The following PGM3 variants were observed in gnomAD, a reference collection of about 807,000 sequenced individuals.
PGM3 encodes phosphoglucomutase 3.
PGM3 carries 40 observed loss-of-function variants against 66.2 expected under a neutral mutation model. That is an observed-to-expected ratio of 0.60 (90% confidence interval 0.47 to 0.79). The LOEUF is 0.79. Ranked by LOEUF, PGM3 falls within the 30% of genes least tolerant of loss-of-function variation. PGM3 has a pLI of 0.00. For missense variants in PGM3, 537 were observed against 643.4 expected (o/e 0.83, Z 1.79); for synonymous variants, 191 against 224.2 (o/e 0.85, Z 1.32).
At position 83,167,615 on chromosome 6, in the gene PGM3, A is replaced by C; in HGVS notation, c.*1619T>G. ...ATTCCTGTTCAAAGCTATTTCTGTT[A>C]ACTAAGCTTATCTGCGCATTCTAGT... On this transcript the variant is annotated 3_prime_UTR_variant, in exon 13 of 13. Coordinates refer to ENST00000513973, the MANE Select transcript of PGM3 (RefSeq NM_015599.3). 1 of 1,194,552 alleles carries C rather than the reference A, an allele frequency of 8.4e-7. No individual in the cohort carries two copies. The highest frequency in any genetic ancestry group is 3.8e-5 in the East Asian group (1 of 26,658). 74.0% of individuals were successfully genotyped at this position (1,194,552 alleles called of 1,614,324 possible). A position where few individuals can be genotyped will look rare whatever the true frequency, so the allele number is the denominator to read the frequency against.
At chr6:83,183,667 G>T (rs1299576836) in intron 4 of PGM3, among the ~76,000 whole-genome samples, 2 of 152,096 alleles carry the variant, frequency 1.3e-5, no homozygotes, top group African/African-American at 2.4e-5. Context: ...CCAAGCACAG[G>T]CCCTTGCATG....
At chr6:83,158,560 T>A, downstream of PGM3, 1 of 1,592,646 alleles carries the variant, frequency 6.3e-7, no homozygotes, top group Non-Finnish European at 8.6e-7. Context: ...CATTTCACCA[T>A]TTTCAGGTAC....
chr6:83,152,959 TA>T, the PGM3 span, among the ~76,000 whole-genome samples: 1 of 152,184 alleles, frequency 6.6e-6, no homozygotes, highest in African/African-American at 2.4e-5. Context: ...CACTATAATG[TA>T]TTTTACAATT....
downstream of PGM3, among the ~76,000 whole-genome samples, chr6:83,156,256 A>T (rs537696966): frequency 6.6e-6 from 1 of 152,196 alleles, no homozygotes; most frequent in Admixed American, 6.5e-5. Flanking sequence ...AAAATTATCA[A>T]TGCTGGCATC....
chr6:83,171,901 A>G (rs1326116683), intron 11 of PGM3, 36 bp downstream of exon 11: 1 of 1,534,574 alleles, frequency 6.5e-7, no homozygotes. Flanking sequence ...TACTTAGCTA[A>G]TATTCAAAAA....
chr6:83,153,434 A>T, the PGM3 span: 1 of 892,220 alleles, frequency 1.1e-6, no homozygotes, highest in African/African-American at 1.7e-5. Flanking sequence ...AGGTTTTCTA[A>T]CAAACTGAAA....
intron 9 of PGM3, among the ~76,000 whole-genome samples, chr6:83,175,090 C>T (rs989480292): frequency 6.6e-6 from 1 of 152,140 alleles, no homozygotes; most frequent in African/African-American, 2.4e-5. Flanking sequence ...CTATGCTCAA[C>T]TACTTGATGA....
Position 83,166,804 on chromosome 6 carries a change from T to C in PGM3, c.*2430A>G. The stretch of plus-strand genomic sequence containing the variant: ...CTAGGAAACTAGTGATATTAAATTA[T>C]TAGGTAAACAATGAAAGTTTCTGAG... On this transcript the variant is annotated 3_prime_UTR_variant, in exon 13 of 13. Coordinates refer to ENST00000513973, the MANE Select transcript of PGM3 (RefSeq NM_015599.3). The C allele has an allele frequency of 3.9e-6, 4 of 1,029,466 alleles. No individual in the cohort carries two copies. The highest frequency in any genetic ancestry group is 4.7e-6 in the Non-Finnish European group (4 of 859,354). The allele number at this position is 1,029,466 out of a possible 1,614,324, so 63.8% of individuals were successfully genotyped here.
downstream of PGM3, among the ~76,000 whole-genome samples, chr6:83,160,781 G>T (rs1484671346): frequency 6.6e-6 from 1 of 152,220 alleles, no homozygotes; most frequent in South Asian, 2.1e-4. Flanking sequence ...TTATTATATT[G>T]TGTCTTATTT....
intron 4 of PGM3, 21 bp from the exon 5 acceptor site, chr6:83,182,999 G>C (rs1229654912): frequency 1.2e-6 from 2 of 1,603,072 alleles, no homozygotes; most frequent in South Asian, 2.3e-5. Flanking sequence ...AATACAAAAA[G>C]CAATTCACCG....
the PGM3 span, chr6:83,152,198 T>C: frequency 1.4e-6 from 1 of 729,838 alleles, no homozygotes; most frequent in African/African-American, 2.0e-5. Context: ...TATATATACA[T>C]ATATAAAAAT....
the PGM3 span, among the ~76,000 whole-genome samples, chr6:83,155,122 C>G: frequency 2.0e-5 from 3 of 151,986 alleles, no homozygotes; most frequent in Non-Finnish European, 4.4e-5. Flanking sequence ...AGAAGCCAAC[C>G]ATGAGAAGGC....
At chr6:83,152,211 TACACAC>T in the PGM3 span, 186 of 697,992 alleles carry the variant, frequency 2.7e-4, no homozygotes, top group Middle Eastern at 7.2e-4. Flanking sequence ...ATAAAAATAA[TACACAC>T]ACACACACAC....
chr6:83,170,467 C>T lies in PGM3; in HGVS notation c.1377G>A (p.Arg459=), dbSNP rs1386270701. The T allele has an allele frequency of 2.5e-6, 4 of 1,613,770 alleles. No individual in the cohort carries two copies. Among genetic ancestry groups the T allele is most frequent in the Non-Finnish European group, 2.5e-6 (3 of 1,179,818 alleles). The change falls in exon 12 of 13, where the codon AGG becomes AGA. Residue 459 remains arginine, a synonymous_variant. Transcript: ENST00000513973. ...CAGCATCGGTAGTGCTAATAACTCT[C>T]CTGTCTGCAACCTAAGTGCAAGCAT... ...NRQLKVQVAD[R]RVISTTDAER... is the part of the protein sequence containing the mutation.
At chr6:83,193,270 G>C (rs1359466540), upstream of PGM3, 1 of 152,316 alleles carries the variant, frequency 6.6e-6, no homozygotes, top group African/African-American at 2.4e-5. Flanking sequence ...AACCGCAGAC[G>C]TGGCCCTGCG....
chr6:83,190,708 A>C, intron 2 of PGM3, 101 bp downstream of exon 2: 1 of 930,546 alleles, frequency 1.1e-6, no homozygotes, highest in Non-Finnish European at 1.7e-6. Flanking sequence ...GAGAAGGCAC[A>C]TTCCTAGAAT....
chr6:83,162,901 T>G (rs758863411), downstream of PGM3: 7 of 1,612,764 alleles, frequency 4.3e-6, no homozygotes, highest in Non-Finnish European at 5.9e-6. Flanking sequence ...TAGCAAAACT[T>G]CTTCGGAAAA....
downstream of PGM3, chr6:83,157,363 A>G (rs745866446): frequency 6.3e-6 from 10 of 1,587,008 alleles, no homozygotes; most frequent in Admixed American, 6.7e-5. Context: ...TAAATGATAA[A>G]ACAGTGATTA....
At chr6:83,158,113 C>T (rs1161778242), downstream of PGM3, among the ~76,000 whole-genome samples, 1 of 152,058 alleles carries the variant, frequency 6.6e-6, no homozygotes, top group Non-Finnish European at 1.5e-5. Context: ...ATTCTCCTGC[C>T]TCAGCCTCCC....
Sources: allele counts gnomAD v4.1 joint callset (sites outside exome capture counted in the v4.1 genomes callset), GRCh38; gene constraint gnomAD v4.1.1; transcripts MANE v1.5; gene names NCBI Gene and HGNC (gene_info 2026-07-23, HGNC 2026-07-21).